Variants in LGMN observed in about 807,000 individuals in gnomAD.
LGMN encodes legumain, also known as asparaginyl endopeptidase.
In LGMN, 36 loss-of-function variants were observed where a neutral mutation model predicts 56.8. The ratio of observed to expected loss-of-function variants is 0.63; its 90% CI spans 0.49 to 0.84. LGMN has a LOEUF of 0.84. Ranked by LOEUF, LGMN falls within the 40% of genes least tolerant of loss-of-function variation. The pLI, the probability that LGMN is intolerant of heterozygous loss-of-function variation, is 0.00. For missense variants in LGMN, 446 were observed against 556.1 expected (o/e 0.80, Z 1.99); for synonymous variants, 199 against 210.1 (o/e 0.95, Z 0.46).
chr14:92,719,310 CA>C (rs1890313666), intron 2 of LGMN, among the ~76,000 whole-genome samples: 1 of 104,226 alleles, frequency 9.6e-6, no homozygotes. Context: ...CCACCGCCGC[CA>C]CCGCCGCCGC....
At chr14:92,706,299 G>A (rs1889425228) in intron 12 of LGMN, 184 bp downstream of exon 12, 10 of 457,482 alleles carry the variant, frequency 2.2e-5, no homozygotes, top group Non-Finnish European at 3.4e-5. Flanking sequence ...GGGACAAGAA[G>A]AGTGTTCTGG....
In LGMN at chr14:92,740,252, A is replaced by G. The variant is rs532957252; in HGVS notation, c.-29-7437T>C. 6.0e-4 allele frequency among the ~76,000 whole-genome samples: 92 copies of G among 152,304 alleles called. 1 individual carries two copies. The highest frequency in any genetic ancestry group is 9.2e-4 in the Admixed American group (14 of 15,298). On this transcript the variant is annotated intron_variant, in intron 1 of 13. Transcript: ENST00000334869. ...AACAAGAGCAAAACTCCGTCTCAAA[A>G]AAAGAAAGAAAGAAAGAAAGACTCC... is the stretch of plus-strand genomic sequence containing the variant.
In LGMN at chr14:92,714,325, G is replaced by C; in HGVS notation, c.480+51C>G. 1 of 1,273,006 alleles carries C rather than the reference G, an allele frequency of 7.9e-7. No homozygotes were observed. The highest frequency in any genetic ancestry group is 1.1e-6 in the Non-Finnish European group (1 of 873,156). 78.9% of individuals were successfully genotyped at this position (1,273,006 alleles called of 1,614,324 possible). A position where few individuals can be genotyped will look rare whatever the true frequency, so the allele number is the denominator to read the frequency against. ...CTATGGGTTTAATCTCGACACCTAG[G>C]CTTGCTTTTCTGTTCTGCTAGTTTG... On this transcript the variant is annotated intron_variant, in intron 6 of 13. Transcript: ENST00000334869. This position sits in a 1 kb window ranked among gnomAD's most constrained non-coding sequence, Gnocchi z 5.1.
chr14:92,724,683 C>T (rs1890658045), intron 2 of LGMN, among the ~76,000 whole-genome samples: 2 of 152,220 alleles, frequency 1.3e-5, no homozygotes, highest in South Asian at 4.1e-4. Context: ...GAGATTGTGA[C>T]TTGGCTGGTT....
intron 2 of LGMN, among the ~76,000 whole-genome samples, chr14:92,720,379 G>A (rs1388855963): frequency 6.6e-6 from 1 of 152,202 alleles, no homozygotes; most frequent in Non-Finnish European, 1.5e-5. Context: ...AAGATCCCAG[G>A]CATTCTGGCC....
chr14:92,739,805 A>C (rs906173012), intron 1 of LGMN, among the ~76,000 whole-genome samples: 3 of 152,230 alleles, frequency 2.0e-5, no homozygotes, highest in African/African-American at 7.2e-5. Context: ...GATACTGTGA[A>C]GGCTTTAAAA....
rs932324859 is a variant in LGMN at position 92,714,127 on chromosome 14, G to A, written c.481-242C>T. 1.4e-4 allele frequency among the ~76,000 whole-genome samples: 22 copies of A among 152,190 alleles called. No homozygotes were observed. Among genetic ancestry groups the A allele is most frequent in the African/African-American group, 2.7e-4 (11 of 41,438 alleles). On this transcript the variant is annotated intron_variant, in intron 6 of 13. Coordinates refer to ENST00000334869, the MANE Select transcript of LGMN (RefSeq NM_005606.7). The surrounding 1 kb of genome is among the most constrained non-coding windows in gnomAD (Gnocchi z 5.1). Reference sequence around the variant, plus strand: ...AGCTTTTGGTCTATTCTCAGGTCTAGTGTGATACACCCACATCCTGAGACA... The same window carrying A: ...AGCTTTTGGTCTATTCTCAGGTCTAATGTGATACACCCACATCCTGAGACA...
intron 8 of LGMN, 141 bp from the exon 9 acceptor site, chr14:92,712,096 T>C: frequency 1.5e-6 from 1 of 667,404 alleles, no homozygotes; most frequent in Non-Finnish European, 2.7e-6. Flanking sequence ...GACACGTAAC[T>C]ATACCCAGAC....
chr14:92,712,218 C>T (rs1889819734), intron 8 of LGMN, among the ~76,000 whole-genome samples: 1 of 152,202 alleles, frequency 6.6e-6, no homozygotes. Context: ...GGACATCATG[C>T]TATTCTGGAA....
At chr14:92,719,318 CCG>C (rs1890318051) in intron 2 of LGMN, among the ~76,000 whole-genome samples, 1 of 45,856 alleles carries the variant, frequency 2.2e-5, no homozygotes. Context: ...GCCACCGCCG[CCG>C]CCGCCACCGC....
chr14:92,710,709 A>C (rs1595528994), intron 10 of LGMN, among the ~76,000 whole-genome samples: 1 of 152,236 alleles, frequency 6.6e-6, no homozygotes, highest in Non-Finnish European at 1.5e-5. Flanking sequence ...TGATGAGGAC[A>C]CTGTGAAGAG....
At chr14:92,707,587 C>T (rs1175177374) in intron 11 of LGMN, among the ~76,000 whole-genome samples, 1 of 152,254 alleles carries the variant, frequency 6.6e-6, no homozygotes, top group Non-Finnish European at 1.5e-5. Context: ...ACATGTAAAG[C>T]AATGCCACTC....
At chr14:92,717,296 G>C (rs1890118539) in intron 4 of LGMN, 84 bp downstream of exon 4, 1 of 863,032 alleles carries the variant, frequency 1.2e-6, no homozygotes, top group South Asian at 1.9e-5. Flanking sequence ...GGGAGATTCT[G>C]ATTCTAGAAA....
intron 1 of LGMN, among the ~76,000 whole-genome samples, chr14:92,734,646 G>GAA (rs58252533): frequency 1.6e-5 from 2 of 123,784 alleles, no homozygotes; most frequent in Non-Finnish European, 1.7e-5. Context: ...TCTCAAAAAA[G>GAA]AAAAAAAAAA....
chr14:92,737,628 G>A (rs1436662107), intron 1 of LGMN, among the ~76,000 whole-genome samples: 1 of 152,190 alleles, frequency 6.6e-6, no homozygotes, highest in Non-Finnish European at 1.5e-5. Flanking sequence ...CAAAAGCAAA[G>A]CAGTACATCT....
chr14:92,737,048 G>A (rs1891340010), intron 1 of LGMN, among the ~76,000 whole-genome samples: 1 of 152,154 alleles, frequency 6.6e-6, no homozygotes, highest in Admixed American at 6.5e-5. Flanking sequence ...TCCCTGGAAA[G>A]CCTTCCCCTA....
intron 7 of LGMN, among the ~76,000 whole-genome samples, chr14:92,713,221 C>T (rs905912939): frequency 4.6e-5 from 7 of 152,066 alleles, no homozygotes; most frequent in Non-Finnish European, 1.0e-4. Flanking sequence ...ATCACCCAAC[C>T]CATGCAGGTT....
At chr14:92,747,471 C>T (rs890834639) in intron 1 of LGMN, among the ~76,000 whole-genome samples, 2 of 152,172 alleles carry the variant, frequency 1.3e-5, no homozygotes, top group Admixed American at 6.5e-5. Flanking sequence ...GCCTGGGCGA[C>T]GGAGCGAGAC....
intron 1 of LGMN, among the ~76,000 whole-genome samples, chr14:92,743,583 C>T (rs759603597): frequency 2.0e-5 from 3 of 151,860 alleles, no homozygotes; most frequent in Non-Finnish European, 4.4e-5. Flanking sequence ...GGGTGGATCA[C>T]TTGAAGCCAG....
Sources: gnomAD v4.1 joint callset for allele counts (sites outside exome capture counted in the v4.1 genomes callset) on GRCh38, gnomAD v4.1.1 for gene constraint, Gnocchi (gnomAD v3.1) non-coding constraint, MANE v1.5 for transcripts, NCBI Gene and HGNC (gene_info 2026-07-23, HGNC 2026-07-21) for gene names.